Variants in C10orf90 observed in about 807,000 individuals in gnomAD.
The protein encoded by C10orf90 is (E2-independent) E3 ubiquitin-conjugating enzyme FATS.
In C10orf90, 56 loss-of-function variants were observed where a neutral mutation model predicts 62.5. The observed-to-expected ratio is 0.90, with a 90% CI of 0.72 to 1.12. C10orf90 has a LOEUF of 1.12. C10orf90 is among the 50% of genes most tolerant of loss of function. The pLI is 0.00. For missense variants in C10orf90, 970 were observed against 880.4 expected (o/e 1.10, Z -1.29); for synonymous variants, 386 against 340.4 (o/e 1.13, Z -1.47).
Position 126,462,226 on chromosome 10 carries a change from C to A in C10orf90, c.1826-641G>T, listed in dbSNP as rs114656528. ...TTCACTGGGCACTTACTGGACTCAGCAAGCAACACAATGTCCTTCACTCTG... is the reference window on the plus strand; with the variant it reads ...TTCACTGGGCACTTACTGGACTCAGAAAGCAACACAATGTCCTTCACTCTG... On this transcript the variant is annotated intron_variant, in intron 5 of 9. Coordinates refer to ENST00000488181, the MANE Select transcript of C10orf90 (RefSeq NM_001350921.2). Among the ~76,000 whole-genome samples the A allele has an allele frequency of 4.7e-3, 721 of 152,190 alleles. 8 individuals carry two copies. The highest frequency in any genetic ancestry group is 0.016 in the African/African-American group (667 of 41,518).
intron 1 of C10orf90, among the ~76,000 whole-genome samples, chr10:126,665,862 C>T (rs1846616680): frequency 6.6e-6 from 1 of 152,172 alleles, no homozygotes; most frequent in Non-Finnish European, 1.5e-5. Context: ...CAGGGAACTT[C>T]CCAGGTCTTT....
intron 6 of C10orf90, among the ~76,000 whole-genome samples, chr10:126,459,595 A>C (rs1285649592): frequency 6.6e-6 from 1 of 152,214 alleles, no homozygotes; most frequent in African/African-American, 2.4e-5. Context: ...ATGGGAGTGG[A>C]GGGCATGGAG....
intron 4 of C10orf90, among the ~76,000 whole-genome samples, chr10:126,475,596 G>A (rs1170345171): frequency 6.6e-6 from 1 of 152,080 alleles, no homozygotes; most frequent in Non-Finnish European, 1.5e-5. Context: ...ATAAAAATGA[G>A]TAGCAAATGG....
At chr10:126,667,777 G>C (rs1230398956) in intron 1 of C10orf90, among the ~76,000 whole-genome samples, 1 of 152,212 alleles carries the variant, frequency 6.6e-6, no homozygotes, top group Non-Finnish European at 1.5e-5. Flanking sequence ...CCATCCTCCA[G>C]TTATGGCTAC....
chr10:126,541,586 A>G (rs1447967073), intron 2 of C10orf90, among the ~76,000 whole-genome samples: 1 of 152,224 alleles, frequency 6.6e-6, no homozygotes, highest in Admixed American at 6.5e-5. Context: ...GCCAAAAAGC[A>G]CATGAAGACA....
rs929405052 is a variant in C10orf90 at position 126,456,754 on chromosome 10, G to A, written c.2188+2286C>T. On this transcript the variant is annotated intron_variant, in intron 7 of 9. Coordinates refer to ENST00000488181, the MANE Select transcript of C10orf90 (RefSeq NM_001350921.2). This position sits in a 1 kb window ranked among gnomAD's most constrained non-coding sequence, Gnocchi z 4.9. ...GAAATTTGAACATAGAGACACAGACGCAGGGAGGATGGCCATGTGGAGACA... is the reference window on the plus strand; with the variant it reads ...GAAATTTGAACATAGAGACACAGACACAGGGAGGATGGCCATGTGGAGACA... 2.0e-5 allele frequency among the ~76,000 whole-genome samples: 3 copies of A among 152,102 alleles called. No homozygotes were observed. The highest frequency in any genetic ancestry group is 3.9e-4 in the East Asian group (2 of 5,174).
At chr10:126,455,864 A>G (rs1859529647) in intron 7 of C10orf90, among the ~76,000 whole-genome samples, 1 of 152,180 alleles carries the variant, frequency 6.6e-6, no homozygotes. Context: ...ACTAGCTACC[A>G]TGAAGTACAG....
intron 7 of C10orf90, among the ~76,000 whole-genome samples, chr10:126,433,169 G>C (rs1008833703): frequency 6.6e-6 from 1 of 152,104 alleles, no homozygotes; most frequent in Non-Finnish European, 1.5e-5. Context: ...ATGACTCCCA[G>C]GCTTTGGGTT....
At chr10:126,501,631 T>C (rs1044707602) in intron 4 of C10orf90, among the ~76,000 whole-genome samples, 9 of 151,996 alleles carry the variant, frequency 5.9e-5, no homozygotes, top group African/African-American at 2.2e-4. Context: ...GTTCAGAGAG[T>C]ATCACTCCTC....
In C10orf90 at chr10:126,620,283, A is replaced by G. The variant is rs150135463; in HGVS notation, c.313+26282T>C. Among the ~76,000 whole-genome samples, 394 of 152,244 alleles carry G rather than the reference A, an allele frequency of 2.6e-3. 5 individuals carry two copies. In the Middle Eastern group the frequency reaches 0.027, roughly 11 times the overall value. ...GTAATCCATCTGCAAGCAAACTTTTATACAAATTTCCAACTGAGTCAGGAC... is the reference window on the plus strand; with the variant it reads ...GTAATCCATCTGCAAGCAAACTTTTGTACAAATTTCCAACTGAGTCAGGAC... On this transcript the variant is annotated intron_variant, in intron 2 of 9. Transcript: ENST00000488181.
chr10:126,489,903 C>G (rs1351006029), intron 4 of C10orf90, among the ~76,000 whole-genome samples: 1 of 144,096 alleles, frequency 6.9e-6, no homozygotes, highest in Non-Finnish European at 1.5e-5. Flanking sequence ...CCCTTTAATA[C>G]ATATACATGC....
intron 1 of C10orf90, among the ~76,000 whole-genome samples, chr10:126,669,875 A>G (rs572136081): frequency 2.6e-5 from 4 of 152,334 alleles, no homozygotes; most frequent in South Asian, 2.1e-4. Flanking sequence ...ATTTGCTTTT[A>G]AAGACAGGTG....
At chr10:126,643,090 G>C (rs1368499138) in intron 2 of C10orf90, among the ~76,000 whole-genome samples, 3 of 152,170 alleles carry the variant, frequency 2.0e-5, no homozygotes, top group Non-Finnish European at 4.4e-5. Context: ...CCTAGCACTT[G>C]GATCAGATAG....
At chr10:126,442,478 C>CATCTATATATATAT (rs1858410848) in intron 7 of C10orf90, among the ~76,000 whole-genome samples, 1 of 33,808 alleles carries the variant, frequency 3.0e-5, no homozygotes, top group Non-Finnish European at 5.0e-5. Flanking sequence ...TTCAATATTT[C>CATCTATATATATAT]ATATATATAT....
chr10:126,458,481 G>T (rs1189240969), intron 7 of C10orf90, among the ~76,000 whole-genome samples: 1 of 152,120 alleles, frequency 6.6e-6, no homozygotes, highest in African/African-American at 2.4e-5. Context: ...GGTTAGTCTT[G>T]CTCCCAGCAT....
chr10:126,557,942 G>A (rs1470454389), intron 2 of C10orf90, among the ~76,000 whole-genome samples: 1 of 151,998 alleles, frequency 6.6e-6, no homozygotes, highest in East Asian at 1.9e-4. Context: ...TGACGGTGTT[G>A]AGTCAGGAAC....
At chr10:126,496,875 C>T (rs1862090786) in intron 4 of C10orf90, among the ~76,000 whole-genome samples, 1 of 152,236 alleles carries the variant, frequency 6.6e-6, no homozygotes, top group African/African-American at 2.4e-5. Flanking sequence ...CCCTGGCTCC[C>T]TACTGGGTAA....
Position 126,425,840 on chromosome 10 carries a change from T to A in C10orf90, c.*24A>T. 1 of 1,611,792 alleles carries A rather than the reference T, an allele frequency of 6.2e-7. No homozygotes were observed. On this transcript the variant is annotated 3_prime_UTR_variant, in exon 10 of 10. Transcript: ENST00000488181. The stretch of plus-strand genomic sequence containing the variant: ...TCGAAGTCCTCCCAGGTCCAGGTAG[T>A]GTGGTCAGCAGGGCAGCCTGTGGTT...
intron 2 of C10orf90, among the ~76,000 whole-genome samples, chr10:126,606,558 C>T (rs574088606): frequency 9.2e-5 from 14 of 152,236 alleles, no homozygotes; most frequent in South Asian, 4.2e-4. Context: ...GAGCTCACCG[C>T]GGACAAACAG....
Sources: gnomAD v4.1 joint callset for allele counts (sites outside exome capture counted in the v4.1 genomes callset) on GRCh38, gnomAD v4.1.1 for gene constraint, Gnocchi (gnomAD v3.1) non-coding constraint, MANE v1.5 for transcripts, NCBI Gene and HGNC (gene_info 2026-07-23, HGNC 2026-07-21) for gene names.